CDH13: variants seen among roughly 807,000 people sequenced by gnomAD.
The protein encoded by CDH13 is cadherin-13.
A neutral mutation model predicts 63.8 loss-of-function variants in CDH13; 24 were observed. The ratio of observed to expected loss-of-function variants is 0.38; its 90% CI spans 0.27 to 0.53. The LOEUF (loss-of-function observed/expected upper bound fraction) is 0.53. CDH13 is among the 20% of genes least tolerant of loss of function. The probability of loss-of-function intolerance (pLI) is 0.85; values close to 1 mark genes in which losing one functional copy is unlikely to be tolerated. For synonymous variants in CDH13, 503 were observed against 355.3 expected, an observed-to-expected ratio of 1.42 and a Z score of -4.67; for missense variants, 1,049 against 903.1, an observed-to-expected ratio of 1.16 and a Z score of -2.07.
intron 9 of CDH13, among the ~76,000 whole-genome samples, chr16:83,673,855 C>T (rs1914726157): frequency 6.6e-6 from 1 of 152,216 alleles, no homozygotes; most frequent in Non-Finnish European, 1.5e-5. Context: ...ATCAGCTTGT[C>T]CGCCCTCCCT....
At chr16:83,101,630 C>G (rs2034483419) in intron 3 of CDH13, among the ~76,000 whole-genome samples, 1 of 152,026 alleles carries the variant, frequency 6.6e-6, no homozygotes, top group Non-Finnish European at 1.5e-5. Context: ...CCCATCTCTA[C>G]TAAAAATACA....
intron 2 of CDH13, among the ~76,000 whole-genome samples, chr16:82,994,381 G>C (rs1284096136): frequency 6.6e-6 from 1 of 152,130 alleles, no homozygotes; most frequent in Non-Finnish European, 1.5e-5. Context: ...TCAAGCCTCA[G>C]CGGGGTGCCT....
intron 5 of CDH13, among the ~76,000 whole-genome samples, chr16:83,259,681 A>G (rs949612650): frequency 1.3e-5 from 2 of 152,182 alleles, no homozygotes; most frequent in Non-Finnish European, 2.9e-5. Context: ...GTTTTAGAGT[A>G]CATGTGCACA....
intron 3 of CDH13, among the ~76,000 whole-genome samples, chr16:83,109,280 G>T (rs932924831): frequency 6.6e-6 from 1 of 152,036 alleles, no homozygotes; most frequent in African/African-American, 2.4e-5. Context: ...CTTGGCAACC[G>T]CTCGTGAGTG....
intron 10 of CDH13, chr16:83,721,966 G>A (rs895315559): frequency 6.6e-6 from 1 of 152,348 alleles, no homozygotes; most frequent in African/African-American, 2.4e-5. Context: ...CTGGAGCCAA[G>A]CTAAGTAAAC....
intron 5 of CDH13, among the ~76,000 whole-genome samples, chr16:83,303,047 C>G (rs748503368): frequency 6.6e-6 from 1 of 152,186 alleles, no homozygotes; most frequent in African/African-American, 2.4e-5. Context: ...ATCATGATGG[C>G]TCCAGCAATT....
At chr16:82,978,803 C>A (rs1359188349) in intron 2 of CDH13, among the ~76,000 whole-genome samples, 1 of 152,224 alleles carries the variant, frequency 6.6e-6, no homozygotes, top group African/African-American at 2.4e-5. Context: ...CACACAGAGT[C>A]CCCACTGGGG....
intron 6 of CDH13, among the ~76,000 whole-genome samples, chr16:83,444,590 G>A (rs2072610757): frequency 6.6e-6 from 1 of 152,120 alleles, no homozygotes; most frequent in Non-Finnish European, 1.5e-5. Context: ...CCTCTCTTGT[G>A]AAGAGCCAGT....
At chr16:83,449,779 G>C (rs983804658) in intron 6 of CDH13, among the ~76,000 whole-genome samples, 3 of 152,178 alleles carry the variant, frequency 2.0e-5, no homozygotes, top group Non-Finnish European at 4.4e-5. Context: ...CCTTCGTTTT[G>C]TAAATAGGGA....
At chr16:82,798,251 C>G (rs747183565) in intron 1 of CDH13, among the ~76,000 whole-genome samples, 2 of 152,128 alleles carry the variant, frequency 1.3e-5, no homozygotes, top group Non-Finnish European at 2.9e-5. Context: ...ATCTAGAAAA[C>G]AAGTACATCA....
At chr16:83,710,099 G>C (rs1181639999) in intron 10 of CDH13, 2 of 152,212 alleles carry the variant, frequency 1.3e-5, no homozygotes, top group Non-Finnish European at 2.9e-5. Context: ...TGGCATCTAG[G>C]GGGCAGAGGC....
At chr16:83,669,219 C>A (rs1490443534) in intron 8 of CDH13, among the ~76,000 whole-genome samples, 1 of 152,124 alleles carries the variant, frequency 6.6e-6, no homozygotes, top group Non-Finnish European at 1.5e-5. Flanking sequence ...GGCTAGAGGA[C>A]CCCGGGCAGT....
chr16:83,453,182 T>A (rs907073080), intron 6 of CDH13, among the ~76,000 whole-genome samples: 1 of 152,042 alleles, frequency 6.6e-6, no homozygotes, highest in Non-Finnish European at 1.5e-5. Context: ...TGCAAAGACA[T>A]AAGGATTGTA....
intron 2 of CDH13, 171 bp downstream of exon 2, chr16:82,858,644 C>G: frequency 1.2e-5 from 8 of 665,414 alleles, no homozygotes; most frequent in Non-Finnish European, 1.9e-5. Context: ...GCCTGGCCAA[C>G]TTAGAGGTTA....
At chr16:83,193,457 C>T (rs575375780) in intron 4 of CDH13, among the ~76,000 whole-genome samples, 31 of 152,296 alleles carry the variant, frequency 2.0e-4, no homozygotes, top group African/African-American at 7.0e-4. Context: ...TTTCTCTTCT[C>T]TTCATGGGGG....
At chr16:83,207,382 G>C (rs973733580) in intron 4 of CDH13, among the ~76,000 whole-genome samples, 2 of 152,162 alleles carry the variant, frequency 1.3e-5, no homozygotes, top group Non-Finnish European at 2.9e-5. Context: ...TGTCCTCAAA[G>C]TTCATTTGTG....
At chr16:82,830,469 C>T (rs1175643568) in intron 1 of CDH13, among the ~76,000 whole-genome samples, 1 of 152,008 alleles carries the variant, frequency 6.6e-6, no homozygotes, top group African/African-American at 2.4e-5. Context: ...GCACAATGAC[C>T]ATTTCTTGAA....
chr16:83,444,813 G>A (rs1482112335), intron 6 of CDH13, among the ~76,000 whole-genome samples: 1 of 260 alleles, frequency 3.8e-3, no homozygotes, highest in African/African-American at 5.3e-3. Context: ...TATTCTCATG[G>A]TTGGTTTTGC....
At chr16:83,686,016 C>A (rs1904308078) in intron 10 of CDH13, among the ~76,000 whole-genome samples, 1 of 152,294 alleles carries the variant, frequency 6.6e-6, no homozygotes, top group East Asian at 1.9e-4. Context: ...CTTGTATTTT[C>A]ATAACCACCC....
Sources: gnomAD v4.1 joint callset for allele counts (sites outside exome capture counted in the v4.1 genomes callset) on GRCh38, gnomAD v4.1.1 for gene constraint, MANE v1.5 for transcripts, NCBI Gene and HGNC (gene_info 2026-07-23, HGNC 2026-07-21) for gene names.